CDS1: variants seen among roughly 807,000 people sequenced by gnomAD.
The protein encoded by CDS1 is CDP-diacylglycerol synthase 1.
A neutral mutation model predicts 62.1 loss-of-function variants in CDS1; 41 were observed. The ratio of observed to expected loss-of-function variants is 0.66; its 90% CI spans 0.51 to 0.86. The LOEUF (loss-of-function observed/expected upper bound fraction) is 0.86. CDS1 is among the 40% of genes least tolerant of loss of function. CDS1 has a pLI of 0.00. For synonymous variants in CDS1, 185 were observed against 192.6 expected, an observed-to-expected ratio of 0.96 and a Z score of 0.32; for missense variants, 470 against 550.1, an observed-to-expected ratio of 0.85 and a Z score of 1.46.
intron 8 of CDS1, among the ~76,000 whole-genome samples, chr4:84,635,653 T>TCCCTC (rs1724175507): frequency 4.2e-5 from 5 of 119,298 alleles, no homozygotes; most frequent in African/African-American, 1.7e-4. Flanking sequence ...CTTCCTTCCT[T>TCCCTC]CCTTCCTTCC....
intron 1 of CDS1, among the ~76,000 whole-genome samples, chr4:84,598,051 G>T (rs528465861): frequency 4.0e-5 from 6 of 151,560 alleles, no homozygotes. Context: ...GCGTGAACCC[G>T]GGAGGCAGAG....
At chr4:84,608,223 G>A (rs1014567187) in intron 2 of CDS1, among the ~76,000 whole-genome samples, 3 of 152,236 alleles carry the variant, frequency 2.0e-5, no homozygotes, top group Non-Finnish European at 2.9e-5. Context: ...GCCCAGGCTG[G>A]AGTGCAGTGG....
intron 11 of CDS1, among the ~76,000 whole-genome samples, chr4:84,643,454 A>G (rs948470568): frequency 6.6e-6 from 1 of 152,212 alleles, no homozygotes; most frequent in African/African-American, 2.4e-5. Context: ...CCAGCCGTGA[A>G]TCATCTAAAG....
At chr4:84,590,365 G>T (rs1409431386) in intron 1 of CDS1, among the ~76,000 whole-genome samples, 4 of 152,144 alleles carry the variant, frequency 2.6e-5, no homozygotes, top group Non-Finnish European at 4.4e-5. Flanking sequence ...GAATCTAAAG[G>T]CATGGTAATG....
At chr4:84,608,453 C>T (rs949718925) in intron 2 of CDS1, among the ~76,000 whole-genome samples, 1 of 152,074 alleles carries the variant, frequency 6.6e-6, no homozygotes, top group Non-Finnish European at 1.5e-5. Flanking sequence ...AGATTACAGG[C>T]GTGAGCCACC....
At chr4:84,594,325 G>A (rs968858786) in intron 1 of CDS1, among the ~76,000 whole-genome samples, 2 of 152,158 alleles carry the variant, frequency 1.3e-5, no homozygotes, top group African/African-American at 4.8e-5. Context: ...AGGGTAAGGG[G>A]AGGAAATGCA....
At chr4:84,608,659 A>C (rs987951596) in intron 2 of CDS1, among the ~76,000 whole-genome samples, 1 of 151,944 alleles carries the variant, frequency 6.6e-6, no homozygotes, top group Non-Finnish European at 1.5e-5. Flanking sequence ...ATTATCTTTC[A>C]TTACTTATTC....
At position 84,635,329 on chromosome 4, in the gene CDS1, T is replaced by C. The variant is rs1335521212; in HGVS notation, c.788T>C (p.Phe263Ser). The stretch of plus-strand genomic sequence containing the variant: ...ACTGCTTACCTTTTTGGATTTTTTT[T>C]TGGGAGAACTCCATTAATTAAGGTA... The part of the protein sequence containing the change: ...DITAYLFGFF[F>S]GRTPLIKLSP... Residue 263 changes from phenylalanine to serine, a missense_variant, in exon 8 of 13, where the codon TTT becomes TCT. Phe to Ser is a radical substitution (Grantham distance 155, BLOSUM62 -2). This residue lies in a region of CDS1 where 214 missense variants were observed against 242.4 expected (regional missense o/e 0.88). Coordinates refer to ENST00000295887, the MANE Select transcript of CDS1 (RefSeq NM_001263.4). The C allele has an allele frequency of 2.6e-6, 4 of 1,562,086 alleles. No individual in the cohort carries two copies. The highest frequency in any genetic ancestry group is 2.2e-5 in the East Asian group (1 of 44,536).
At position 84,643,068 on chromosome 4, in the gene CDS1, G is replaced by A. The variant is rs749647114; in HGVS notation, c.1077G>A (p.Leu359=). Residue 359 remains leucine (L), a synonymous_variant, in exon 11 of 13, where the codon CTG becomes CTA. Transcript: ENST00000295887. ...LYPFQIHSIA[L]STFASLIGPF... Reference sequence around the variant, plus strand: ...CTTTCCAGATCCACAGCATTGCACTGTCAACCTTTGCATCTTTAATTGGCC... The same window carrying A: ...CTTTCCAGATCCACAGCATTGCACTATCAACCTTTGCATCTTTAATTGGCC... 6.2e-7 allele frequency: 1 copy of A among 1,613,108 alleles called. No individual in the cohort carries two copies. The highest frequency in any genetic ancestry group is 8.5e-7 in the Non-Finnish European group (1 of 1,179,436).
intron 6 of CDS1, among the ~76,000 whole-genome samples, chr4:84,633,263 A>G (rs1724079526): frequency 6.6e-6 from 1 of 152,262 alleles, no homozygotes; most frequent in African/African-American, 2.4e-5. Flanking sequence ...CAGGCTAGAT[A>G]GAATTGGCAA....
intron 1 of CDS1, among the ~76,000 whole-genome samples, chr4:84,601,453 T>C (rs1453709831): frequency 6.6e-6 from 1 of 152,130 alleles, no homozygotes; most frequent in East Asian, 1.9e-4. Context: ...GATGGCATGT[T>C]GGAAGCTGGA....
rs1236266251 is a variant in CDS1 at position 84,640,840 on chromosome 4, T to C, written c.882T>C (p.Ala294=). ...FFSTVVFGFI[A]AYVLSKYQYF... is the part of the protein sequence containing the mutation. ...TTTTGTTTTGTTTTTAATATCAGGC[T>C]GCCTATGTGTTATCCAAATACCAGT... The change falls in exon 10 of 13, where the codon GCT becomes GCC. Residue 294 remains alanine (A), a splice_region_variant and synonymous_variant. Coordinates refer to ENST00000295887, the MANE Select transcript of CDS1 (RefSeq NM_001263.4). The C allele has an allele frequency of 2.6e-6, 4 of 1,554,584 alleles. No homozygotes were observed. The South Asian group carries it at 4.9e-5, about 19-fold the overall frequency.
rs549840726 is a variant in CDS1 at position 84,616,375 on chromosome 4, T to C, written c.343-1189T>C. 2.6e-5 allele frequency among the ~76,000 whole-genome samples: 4 copies of C among 152,266 alleles called. No homozygotes were observed. In the East Asian group the frequency reaches 7.7e-4, roughly 29 times the overall value. On this transcript the variant is annotated intron_variant, in intron 3 of 12. Coordinates refer to ENST00000295887, the MANE Select transcript of CDS1 (RefSeq NM_001263.4). ...GTGATTGGACACGTAATCAGTATAA[T>C]GGGAAAAAATAACTTAAAAATACCC...
intron 1 of CDS1, among the ~76,000 whole-genome samples, chr4:84,586,337 A>G (rs975590900): frequency 6.6e-6 from 1 of 152,200 alleles, no homozygotes; most frequent in Non-Finnish European, 1.5e-5. Context: ...ACAACTCACC[A>G]TAATATAAAA....
chr4:84,622,407 G>A (rs1723715357), intron 5 of CDS1, among the ~76,000 whole-genome samples: 1 of 151,720 alleles, frequency 6.6e-6, no homozygotes, highest in East Asian at 1.9e-4. Context: ...TGGCCAACAT[G>A]GCGAAACCCG....
intron 3 of CDS1, among the ~76,000 whole-genome samples, chr4:84,610,795 A>G (rs1490706428): frequency 2.6e-5 from 4 of 152,194 alleles, no homozygotes; most frequent in Admixed American, 6.5e-5. Context: ...GTACAAATTT[A>G]TAGCCTAGGA....
At chr4:84,601,468 T>A (rs1263953947) in intron 1 of CDS1, among the ~76,000 whole-genome samples, 1 of 152,086 alleles carries the variant, frequency 6.6e-6, no homozygotes, top group Non-Finnish European at 1.5e-5. Flanking sequence ...GCTGGAGACA[T>A]AAGTTTACGG....
intron 12 of CDS1, among the ~76,000 whole-genome samples, chr4:84,646,703 A>G (rs576656557): frequency 6.6e-6 from 1 of 152,262 alleles, no homozygotes; most frequent in East Asian, 1.9e-4. Context: ...CATGTTATCT[A>G]TTCTAGTACA....
At chr4:84,631,968 C>T in intron 6 of CDS1, 91 bp downstream of exon 6, 2 of 803,292 alleles carry the variant, frequency 2.5e-6, no homozygotes, top group South Asian at 3.3e-5. Context: ...GTCGAATCTG[C>T]TAGCTGTTGT....
Sources: gnomAD v4.1 joint callset for allele counts (sites outside exome capture counted in the v4.1 genomes callset) on GRCh38, gnomAD v4.1.1 for gene constraint, gnomAD v4.1.1 regional missense constraint, MANE v1.5 for transcripts, NCBI Gene and HGNC (gene_info 2026-07-23, HGNC 2026-07-21) for gene names.